Variants in CADPS2 observed in about 807,000 individuals in gnomAD.
CADPS2 encodes calcium dependent secretion activator 2, also known as calcium-dependent secretion activator 2.
CADPS2 carries 93 observed loss-of-function variants against 172.5 expected under a neutral mutation model. The ratio of observed to expected loss-of-function variants is 0.54; its 90% CI spans 0.46 to 0.64. The LOEUF (loss-of-function observed/expected upper bound fraction) is 0.64. CADPS2 is among the 30% of genes least tolerant of loss of function. The pLI is 0.00. For missense variants in CADPS2, 1,420 were observed against 1,565.9 expected (o/e 0.91, Z 1.57); for synonymous variants, 546 against 555.2 (o/e 0.98, Z 0.23).
chr7:122,651,379 T>G (rs2079132308), intron 3 of CADPS2, among the ~76,000 whole-genome samples: 1 of 152,180 alleles, frequency 6.6e-6, no homozygotes, highest in African/African-American at 2.4e-5. Flanking sequence ...AAATGGTTAA[T>G]GCCTCATGGC....
intron 2 of CADPS2, among the ~76,000 whole-genome samples, chr7:122,729,773 G>C (rs2091473634): frequency 1.4e-5 from 2 of 146,138 alleles, no homozygotes; most frequent in South Asian, 4.3e-4. Flanking sequence ...TAGGGAAACA[G>C]TTCCAAAGCA....
At chr7:122,577,000 A>G (rs937375930) in intron 7 of CADPS2, among the ~76,000 whole-genome samples, 27 of 152,036 alleles carry the variant, frequency 1.8e-4, no homozygotes, top group African/African-American at 5.8e-4. Flanking sequence ...ACCTCAGGTG[A>G]TCCCCCTGCC....
At chr7:122,717,179 C>T (rs1483890000) in intron 2 of CADPS2, among the ~76,000 whole-genome samples, 1 of 152,042 alleles carries the variant, frequency 6.6e-6, no homozygotes, top group East Asian at 1.9e-4. Flanking sequence ...TTATCTTTCA[C>T]TTGTTATAAT....
intron 1 of CADPS2, among the ~76,000 whole-genome samples, chr7:122,784,908 T>G (rs1793656653): frequency 6.6e-6 from 1 of 152,200 alleles, no homozygotes; most frequent in African/African-American, 2.4e-5. Flanking sequence ...CTTTCCTATT[T>G]CCTATTTATG....
intron 17 of CADPS2, among the ~76,000 whole-genome samples, chr7:122,431,921 G>T (rs1322230432): frequency 7.0e-6 from 1 of 143,718 alleles, no homozygotes; most frequent in East Asian, 2.4e-4. Context: ...ACTTCATCGG[G>T]GGCGGGGGTG....
chr7:122,349,126 A>G (rs960981207), intron 27 of CADPS2, among the ~76,000 whole-genome samples: 8 of 152,104 alleles, frequency 5.3e-5, no homozygotes, highest in African/African-American at 1.9e-4. Flanking sequence ...ATATGATTGC[A>G]TTGTAAAGAC....
Position 122,731,970 on chromosome 7 carries a change from A to G in CADPS2, c.453+4985T>C, listed in dbSNP as rs187545395. 5.9e-3 allele frequency among the ~76,000 whole-genome samples: 892 copies of G among 151,916 alleles called. 7 individuals are homozygous for G. Among genetic ancestry groups the G allele is most frequent in the African/African-American group, 0.021 (862 of 41,518 alleles). ...TTATTCTTGTTACTTATAATACTTA[A>G]GACATCTTATTAAAAATATGATATA... On this transcript the variant is annotated intron_variant, in intron 2 of 29. Transcript: ENST00000449022.
chr7:122,518,784 T>C (rs957506203), intron 8 of CADPS2, among the ~76,000 whole-genome samples: 1 of 152,054 alleles, frequency 6.6e-6, no homozygotes, highest in Non-Finnish European at 1.5e-5. Flanking sequence ...ATGTGACAAT[T>C]TATGATGTTA....
chr7:122,692,520 G>A (rs781691727), intron 2 of CADPS2, among the ~76,000 whole-genome samples: 16 of 152,192 alleles, frequency 1.1e-4, no homozygotes, highest in Non-Finnish European at 1.9e-4. Flanking sequence ...TGGGAGACCT[G>A]TCTACTGCCT....
intron 14 of CADPS2, among the ~76,000 whole-genome samples, chr7:122,465,404 G>A (rs996691205): frequency 1.3e-5 from 2 of 152,084 alleles, no homozygotes; most frequent in Non-Finnish European, 2.9e-5. Context: ...CCCAATACCC[G>A]GGCTGTGGAC....
intron 2 of CADPS2, among the ~76,000 whole-genome samples, chr7:122,734,958 G>A (rs974766449): frequency 6.6e-6 from 1 of 152,066 alleles, no homozygotes; most frequent in Non-Finnish European, 1.5e-5. Flanking sequence ...CCTCTTCAAT[G>A]CTTACATCTC....
intron 1 of CADPS2, among the ~76,000 whole-genome samples, chr7:122,765,822 AT>A (rs1443783613): frequency 6.6e-6 from 1 of 152,118 alleles, no homozygotes; most frequent in African/African-American, 2.4e-5. Flanking sequence ...GTTAGGTGAC[AT>A]TGCCAACATC....
chr7:122,612,787 T>C (rs2074450280), intron 6 of CADPS2, among the ~76,000 whole-genome samples: 1 of 152,092 alleles, frequency 6.6e-6, no homozygotes, highest in African/African-American at 2.4e-5. Flanking sequence ...ATTTCAAAAG[T>C]TACTGCAATG....
intron 2 of CADPS2, among the ~76,000 whole-genome samples, chr7:122,713,005 AC>A (rs1443822698): frequency 6.6e-6 from 1 of 152,022 alleles, no homozygotes; most frequent in African/African-American, 2.4e-5. Context: ...TACGGCACAC[AC>A]AAAAATAAAT....
chr7:122,473,803 C>G (rs1052632353), intron 13 of CADPS2, among the ~76,000 whole-genome samples: 1 of 152,136 alleles, frequency 6.6e-6, no homozygotes, highest in African/African-American at 2.4e-5. Context: ...TCAACACATA[C>G]CAGGAAACAG....
chr7:122,732,322 A>T (rs968663903), intron 2 of CADPS2, among the ~76,000 whole-genome samples: 5 of 151,516 alleles, frequency 3.3e-5, no homozygotes, highest in African/African-American at 9.7e-5. Context: ...CCACTATAAG[A>T]ACAGACAGAA....
chr7:122,776,290 C>T (rs578047580), intron 1 of CADPS2, among the ~76,000 whole-genome samples: 102 of 152,286 alleles, frequency 6.7e-4, no homozygotes, highest in Middle Eastern at 6.8e-3. Context: ...CTCTTGCATG[C>T]TGCCATGTAA....
chr7:122,705,947 A>ATCTATAATATAT (rs2087240752), intron 2 of CADPS2, among the ~76,000 whole-genome samples: 1 of 960 alleles, frequency 1.0e-3, no homozygotes, highest in African/African-American at 1.1e-3. Flanking sequence ...ATATAATATA[A>ATCTATAATATAT]TATATAATAT....
At chr7:122,550,631 A>G (rs1297201423) in intron 8 of CADPS2, among the ~76,000 whole-genome samples, 2 of 151,834 alleles carry the variant, frequency 1.3e-5, no homozygotes, top group Non-Finnish European at 2.9e-5. Context: ...TAACCTTTGA[A>G]TTAGGAAAAT....
Sources: gnomAD v4.1 joint callset for allele counts (sites outside exome capture counted in the v4.1 genomes callset) on GRCh38, gnomAD v4.1.1 for gene constraint, MANE v1.5 for transcripts, NCBI Gene and HGNC (gene_info 2026-07-23, HGNC 2026-07-21) for gene names.